Variants in RNF157 observed in about 807,000 individuals in gnomAD.
RNF157 encodes ring finger protein 157, also known as E3 ubiquitin ligase RNF157.
A neutral mutation model predicts 88.3 loss-of-function variants in RNF157; 55 were observed. The observed-to-expected ratio is 0.62, with a 90% CI of 0.50 to 0.78. The LOEUF is 0.78. RNF157 is among the 30% of genes least tolerant of loss of function. The pLI, the probability that RNF157 is intolerant of heterozygous loss-of-function variation, is 0.00. For synonymous variants in RNF157, 334 were observed against 341.2 expected, an observed-to-expected ratio of 0.98 and a Z score of 0.23; for missense variants, 788 against 860.8, an observed-to-expected ratio of 0.92 and a Z score of 1.06.
chr17:76,170,986 G>A (rs1330043122), intron 3 of RNF157, among the ~76,000 whole-genome samples: 3 of 152,042 alleles, frequency 2.0e-5, no homozygotes, highest in East Asian at 1.9e-4. Context: ...TCTGTCTCCC[G>A]GGTTCACATC....
Position 76,155,576 on chromosome 17 carries a change from A to T in RNF157, c.1684T>A (p.Ser562Thr). ...SSPQPASRAP[S>T]EEGEGLPAES... ...CCTTCCCTTACCTCTCCTTCTTCTG[A>T]GGGGGCCCTGCTGGCAGGCTGGGGG... Residue 562 changes from serine (S) to threonine (T), a missense_variant, in exon 15 of 19, where the codon TCA (serine) becomes ACA (threonine). Physicochemically the swap from Ser to Thr is moderately conservative, Grantham distance 58. Transcript: ENST00000269391. 1 of 1,612,300 alleles carries T rather than the reference A, an allele frequency of 6.2e-7. No individual in the cohort carries two copies. Among genetic ancestry groups the T allele is most frequent in the Non-Finnish European group, 8.5e-7 (1 of 1,179,500 alleles).
At chr17:76,233,089 T>G (rs1477053102) in intron 1 of RNF157, among the ~76,000 whole-genome samples, 1 of 152,002 alleles carries the variant, frequency 6.6e-6, no homozygotes, top group Admixed American at 6.6e-5. Flanking sequence ...CCCAGCTAAT[T>G]TTTTGTATTT....
At chr17:76,147,820 G>C (rs1481315680) in intron 18 of RNF157, among the ~76,000 whole-genome samples, 6 of 152,190 alleles carry the variant, frequency 3.9e-5, no homozygotes, top group Non-Finnish European at 8.8e-5. Flanking sequence ...CCAAAAAATG[G>C]AGCACAGAGA....
chr17:76,203,220 G>A (rs529973488), intron 2 of RNF157, among the ~76,000 whole-genome samples: 1 of 151,816 alleles, frequency 6.6e-6, no homozygotes, highest in Non-Finnish European at 1.5e-5. Flanking sequence ...CAAACTCCTG[G>A]CCTCAAGCAA....
chr17:76,196,070 A>C (rs1038803895), intron 2 of RNF157, among the ~76,000 whole-genome samples: 2 of 152,232 alleles, frequency 1.3e-5, no homozygotes, highest in Non-Finnish European at 2.9e-5. Context: ...ACCTGCTCTG[A>C]GCCGCTACTC....
At chr17:76,169,074 A>C (rs1286664536) in intron 3 of RNF157, among the ~76,000 whole-genome samples, 1 of 152,136 alleles carries the variant, frequency 6.6e-6, no homozygotes, top group East Asian at 1.9e-4. Context: ...AAGTTTTCTT[A>C]AATTCTATGT....
At chr17:76,190,236 G>A (rs909151839) in intron 2 of RNF157, among the ~76,000 whole-genome samples, 3 of 147,956 alleles carry the variant, frequency 2.0e-5, no homozygotes, top group East Asian at 2.0e-4. Flanking sequence ...GCACAATTTC[G>A]CCTCACTGCG....
chr17:76,163,596 AGCACAC>A (rs1355789949), intron 8 of RNF157: 3 of 152,198 alleles, frequency 2.0e-5, no homozygotes, highest in African/African-American at 7.2e-5. Context: ...TACTTTTAGG[AGCACAC>A]TCTTCTGCCT....
intron 1 of RNF157, among the ~76,000 whole-genome samples, chr17:76,230,410 C>T (rs1448093302): frequency 6.6e-6 from 1 of 152,196 alleles, no homozygotes; most frequent in Non-Finnish European, 1.5e-5. Flanking sequence ...AAACACTGAA[C>T]ATGTGCTCTA....
chr17:76,238,846 C>T (rs1021700056), intron 1 of RNF157, among the ~76,000 whole-genome samples: 2 of 152,222 alleles, frequency 1.3e-5, no homozygotes, highest in African/African-American at 4.8e-5. Context: ...AAAATACTAA[C>T]GACCCACAGC....
At chr17:76,192,536 C>A (rs912553942) in intron 2 of RNF157, among the ~76,000 whole-genome samples, 1 of 152,122 alleles carries the variant, frequency 6.6e-6, no homozygotes, top group Non-Finnish European at 1.5e-5. Flanking sequence ...ACAAGATCTT[C>A]GGAAGAGTAC....
chr17:76,202,887 A>T (rs2069610204), intron 2 of RNF157: 1 of 152,184 alleles, frequency 6.6e-6, no homozygotes, highest in South Asian at 2.1e-4. Context: ...TTTTCTTAAA[A>T]TAAATTACTT....
chr17:76,186,079 TA>T (rs2069281603), intron 2 of RNF157, among the ~76,000 whole-genome samples: 1 of 152,128 alleles, frequency 6.6e-6, no homozygotes, highest in East Asian at 1.9e-4. Flanking sequence ...ATAGGCCAAT[TA>T]CTAAGGGCAA....
chr17:76,164,926 C>T (rs907778601), intron 7 of RNF157, 131 bp from the exon 8 acceptor site: 9 of 592,650 alleles, frequency 1.5e-5, no homozygotes, highest in Non-Finnish European at 2.1e-5. Flanking sequence ...TTCAATTACC[C>T]GCCATCAACC....
Position 76,212,491 on chromosome 17 carries a change from G to A in RNF157, c.89-9C>T, listed in dbSNP as rs759044828. The A allele has an allele frequency of 5.9e-6, 9 of 1,521,248 alleles. No homozygotes were observed. In the African/African-American group the frequency reaches 6.9e-5, roughly 12 times the overall value. 94.2% of individuals were successfully genotyped at this position (1,521,248 alleles called of 1,614,324 possible). The stretch of plus-strand genomic sequence containing the variant: ...GCTGGCAAAATAGCTTCCTAGAGAG[G>A]AACAAACAAAAAAAATCAAACAAGC... On this transcript the variant is annotated splice_polypyrimidine_tract_variant and intron_variant, in intron 1 of 18. Coordinates refer to ENST00000269391, the MANE Select transcript of RNF157 (RefSeq NM_052916.3).
intron 18 of RNF157, among the ~76,000 whole-genome samples, chr17:76,150,501 CA>C (rs1194642233): frequency 6.6e-6 from 1 of 151,842 alleles, no homozygotes; most frequent in Admixed American, 6.6e-5. Context: ...CTCCCTCTGC[CA>C]AAAAAATAGG....
intron 1 of RNF157, among the ~76,000 whole-genome samples, chr17:76,220,957 CAA>C (rs35782875): frequency 0.016 from 2,197 of 138,180 alleles, 48 homozygotes; most frequent in African/African-American, 0.052. Context: ...GATGCTGTCT[CAA>C]AAAAAAAAAA....
chr17:76,190,961 C>T (rs902860584), intron 2 of RNF157, among the ~76,000 whole-genome samples: 4 of 151,630 alleles, frequency 2.6e-5, no homozygotes, highest in Non-Finnish European at 2.9e-5. Flanking sequence ...CCTGTAGTCC[C>T]GGCACTTTGG....
chr17:76,185,471 C>CTCTCTTTTTTTTTTT (rs1214764584), intron 2 of RNF157, among the ~76,000 whole-genome samples: 12 of 144,454 alleles, frequency 8.3e-5, no homozygotes, highest in African/African-American at 3.3e-4. Context: ...GAGATTAGTC[C>CTCTCTTTTTTTTTTT]TTTCTTTTTT....
Sources: allele counts gnomAD v4.1 joint callset (sites outside exome capture counted in the v4.1 genomes callset), GRCh38; gene constraint gnomAD v4.1.1; transcripts MANE v1.5; gene names NCBI Gene and HGNC (gene_info 2026-07-23, HGNC 2026-07-21).